The following DIAPH2 variants were observed in gnomAD, a reference collection of about 807,000 sequenced individuals.
The protein encoded by DIAPH2 is diaphanous related formin 2, also known as protein diaphanous homolog 2.
DIAPH2 carries 35 observed loss-of-function variants against 92.7 expected under a neutral mutation model. The observed-to-expected ratio is 0.38, with a 90% CI of 0.29 to 0.50. The LOEUF is 0.50. Among genes scored for constraint, DIAPH2 ranks in the 20% least tolerant of loss-of-function variants. The pLI, the probability that DIAPH2 is intolerant of heterozygous loss-of-function variation, is 0.94. For missense variants in DIAPH2, 701 were observed against 819.5 expected (o/e 0.86, Z 1.77); for synonymous variants, 301 against 280.4 (o/e 1.07, Z -0.73).
chrX:97,011,278 G>C (rs2066223441), intron 17 of DIAPH2, among the ~76,000 whole-genome samples: 1 of 112,000 alleles, frequency 8.9e-6, no homozygotes, highest in Non-Finnish European at 1.9e-5. Context: ...CATTTGATAA[G>C]CATGTTGTGT....
intron 26 of DIAPH2, among the ~76,000 whole-genome samples, chrX:97,501,264 A>C (rs954665960): frequency 2.7e-5 from 3 of 111,677 alleles, no homozygotes; most frequent in Non-Finnish European, 5.6e-5. Context: ...ACAGTGGCTG[A>C]AAATCAGATT....
chrX:96,968,913 A>G (rs1192036196), intron 17 of DIAPH2, among the ~76,000 whole-genome samples: 1 of 112,359 alleles, frequency 8.9e-6, no homozygotes, highest in East Asian at 2.8e-4. Flanking sequence ...GGTAAAAGAG[A>G]GGCTTTCGGT....
intron 22 of DIAPH2, among the ~76,000 whole-genome samples, chrX:97,187,387 A>G (rs1467248332): frequency 1.1e-5 from 1 of 95,137 alleles, no homozygotes; most frequent in Non-Finnish European, 2.0e-5. Context: ...GTGATTCTCC[A>G]ACCTCAACCT....
intron 9 of DIAPH2, among the ~76,000 whole-genome samples, chrX:96,925,881 C>A (rs185591496): frequency 1.8e-5 from 2 of 111,713 alleles, no homozygotes; most frequent in East Asian, 5.6e-4. Flanking sequence ...TACATGACTT[C>A]CGTTGGCTTG....
At chrX:97,551,642 A>G (rs2071220756) in intron 26 of DIAPH2, among the ~76,000 whole-genome samples, 1 of 110,709 alleles carries the variant, frequency 9.0e-6, no homozygotes, top group Non-Finnish European at 1.9e-5. Flanking sequence ...AAAATTAAAT[A>G]AAATTTGCAC....
intron 5 of DIAPH2, among the ~76,000 whole-genome samples, chrX:96,901,638 G>T (rs754243209): frequency 2.0e-5 from 2 of 99,378 alleles, no homozygotes; most frequent in Non-Finnish European, 4.0e-5. Flanking sequence ...AGGTTCAAGC[G>T]ATTCTAGTGC....
intron 26 of DIAPH2, among the ~76,000 whole-genome samples, chrX:97,547,961 G>T (rs2071193242): frequency 9.0e-6 from 1 of 111,555 alleles, no homozygotes; most frequent in Non-Finnish European, 1.9e-5. Flanking sequence ...ATTTATATTT[G>T]CACTCCATAA....
chrX:97,489,749 A>G (rs1002840438), intron 26 of DIAPH2, among the ~76,000 whole-genome samples: 6 of 111,571 alleles, frequency 5.4e-5, no homozygotes, highest in African/African-American at 1.3e-4. Context: ...ATTGATTTGC[A>G]TATGTTCAAG....
At chrX:97,196,543 A>G (rs1051200793) in intron 22 of DIAPH2, among the ~76,000 whole-genome samples, 3 of 111,782 alleles carry the variant, frequency 2.7e-5, no homozygotes, top group Admixed American at 9.5e-5. Flanking sequence ...CAGGAAAGAA[A>G]TAACATGAAA....
At chrX:96,985,309 T>C (rs1039446038) in intron 17 of DIAPH2, among the ~76,000 whole-genome samples, 1 of 110,966 alleles carries the variant, frequency 9.0e-6, no homozygotes, top group Non-Finnish European at 1.9e-5. Flanking sequence ...TCTGTCTCTC[T>C]GAGTTGCTTC....
chrX:97,195,261 T>G (rs1263321822), intron 22 of DIAPH2, among the ~76,000 whole-genome samples: 1 of 112,515 alleles, frequency 8.9e-6, no homozygotes, highest in Non-Finnish European at 1.9e-5. Context: ...GGCATCATAA[T>G]GAATTTTTAA....
At chrX:97,262,110 A>G (rs979368374) in intron 23 of DIAPH2, among the ~76,000 whole-genome samples, 13 of 109,590 alleles carry the variant, frequency 1.2e-4, no homozygotes, top group Non-Finnish European at 1.7e-4. Context: ...AAAAAAAAAA[A>G]AAAGAAAGGC....
At chrX:97,282,412 C>T (rs1050691532) in intron 23 of DIAPH2, among the ~76,000 whole-genome samples, 20 of 111,630 alleles carry the variant, frequency 1.8e-4, no homozygotes, top group Non-Finnish European at 3.0e-4. Flanking sequence ...CAGGTTCAAG[C>T]GATTCTCCTG....
At chrX:97,073,618 TCTGTC>T (rs2066684359) in intron 18 of DIAPH2, among the ~76,000 whole-genome samples, 2 of 112,153 alleles carry the variant, frequency 1.8e-5, no homozygotes, top group Non-Finnish European at 3.8e-5. Flanking sequence ...TACTCTTCCC[TCTGTC>T]TTGAAATCAG....
chrX:97,102,910 A>G (rs1320707678), intron 20 of DIAPH2, among the ~76,000 whole-genome samples: 3 of 111,643 alleles, frequency 2.7e-5, no homozygotes, highest in Non-Finnish European at 5.6e-5. Flanking sequence ...ACTGCACTCC[A>G]GCCTGGGCCA....
intron 24 of DIAPH2, among the ~76,000 whole-genome samples, chrX:97,375,085 G>A (rs867125459): frequency 1.1e-4 from 12 of 112,001 alleles, no homozygotes; most frequent in East Asian, 2.8e-4. Context: ...TACAAATCAG[G>A]TAGAGGTAAC....
intron 25 of DIAPH2, among the ~76,000 whole-genome samples, chrX:97,398,211 A>G (rs369193459): frequency 5.5e-4 from 62 of 112,087 alleles, no homozygotes; most frequent in African/African-American, 2.0e-3. Context: ...ACCAGAATCC[A>G]TTATGTTGTT....
rs139633976 is a variant in DIAPH2 at position 97,022,911 on chromosome X, A to G, written c.2051-50030A>G. ...TCTACAAAAACTTTAAAAATTAGCC[A>G]GGTGATGCACGTCTGTAGTCCTAGC... is the stretch of plus-strand genomic sequence containing the variant. On this transcript the variant is annotated intron_variant, in intron 17 of 26. Coordinates refer to ENST00000324765, the MANE Select transcript of DIAPH2 (RefSeq NM_006729.5). Among the ~76,000 whole-genome samples, 1,109 of 111,015 alleles carry G rather than the reference A, an allele frequency of 1.0e-2. 7 individuals are homozygous for G. Among genetic ancestry groups the G allele is most frequent in the African/African-American group, 0.034 (1,033 of 30,514 alleles).
At chrX:96,919,369 C>T (rs775484219) in intron 9 of DIAPH2, among the ~76,000 whole-genome samples, 1 of 112,006 alleles carries the variant, frequency 8.9e-6, no homozygotes, top group African/African-American at 3.2e-5. Context: ...AATAACTGGT[C>T]TAACGTGACA....
Sources: allele counts gnomAD v4.1 joint callset (sites outside exome capture counted in the v4.1 genomes callset), GRCh38; gene constraint gnomAD v4.1.1; transcripts MANE v1.5; gene names NCBI Gene and HGNC (gene_info 2026-07-23, HGNC 2026-07-21).